KAZN: variants seen among roughly 807,000 people sequenced by gnomAD.
KAZN encodes kazrin, periplakin interacting protein.
Under a neutral mutation model 87.4 loss-of-function variants are expected in KAZN, and 40 were observed. That is an observed-to-expected ratio of 0.46 (90% CI 0.36 to 0.60). The LOEUF is 0.60. KAZN is among the 20% of genes least tolerant of loss of function. The pLI, the probability that KAZN is intolerant of heterozygous loss-of-function variation, is 0.00. For synonymous variants in KAZN, 466 were observed against 458.3 expected (o/e 1.02, Z -0.22); for missense variants, 898 against 1,073.9 (o/e 0.84, Z 2.29).
chr1:14,392,180 A>C (rs1662498096), intron 2 of KAZN, among the ~76,000 whole-genome samples: 1 of 152,230 alleles, frequency 6.6e-6, no homozygotes, highest in Non-Finnish European at 1.5e-5. Flanking sequence ...CAATGGCTTC[A>C]AAGAGAGGCT....
intron 1 of KAZN, among the ~76,000 whole-genome samples, chr1:14,791,700 T>C (rs1477028213): frequency 6.6e-6 from 1 of 152,158 alleles, no homozygotes; most frequent in African/African-American, 2.4e-5. Flanking sequence ...CTGGAGATGA[T>C]GATGGAGCTG....
chr1:14,603,410 G>A (rs1429559483), intron 1 of KAZN, among the ~76,000 whole-genome samples: 1 of 131,968 alleles, frequency 7.6e-6, no homozygotes, highest in Non-Finnish European at 1.6e-5. Flanking sequence ...TCATGGGATG[G>A]GGATTCAGTC....
chr1:14,464,548 T>C (rs1040207333), intron 2 of KAZN, among the ~76,000 whole-genome samples: 1 of 131,220 alleles, frequency 7.6e-6, no homozygotes, highest in African/African-American at 3.8e-5. Flanking sequence ...TTTTTCTTTC[T>C]TTTTTTTTGA....
chr1:15,013,715 T>C (rs1378828228), intron 2 of KAZN, among the ~76,000 whole-genome samples: 4 of 151,126 alleles, frequency 2.6e-5, no homozygotes, highest in Admixed American at 6.6e-5. Context: ...GATCGCACCA[T>C]TGCACTCCAA....
intron 2 of KAZN, among the ~76,000 whole-genome samples, chr1:14,257,075 G>T (rs1054614805): frequency 6.6e-6 from 1 of 152,022 alleles, no homozygotes; most frequent in Non-Finnish European, 1.5e-5. Context: ...TTATCTCTTA[G>T]GTCCCTTCTG....
intron 2 of KAZN, among the ~76,000 whole-genome samples, chr1:14,993,646 G>C (rs34257238): frequency 0.14 from 21,966 of 152,194 alleles, 1,739 homozygotes; most frequent in Middle Eastern, 0.17. Context: ...TCGTCTGGGA[G>C]GGGGGTGATC....
At chr1:13,981,094 T>TATATATATATATATATATATGC (rs1186707459) in intron 1 of KAZN, among the ~76,000 whole-genome samples, 2 of 65,138 alleles carry the variant, frequency 3.1e-5, no homozygotes, top group African/African-American at 9.8e-5. Context: ...ACTCTTTATA[T>TATATATATATATATATATATGC]ATATATATAT....
chr1:15,055,915 C>T (rs1009076717), intron 4 of KAZN, among the ~76,000 whole-genome samples, 176 bp from the exon 5 acceptor site: 6 of 152,232 alleles, frequency 3.9e-5, no homozygotes, highest in African/African-American at 1.4e-4. Context: ...ACAGTTCCTC[C>T]CTCACACGGC....
exon 2 of KAZN, chr1:14,180,479 A>G (rs566651325): frequency 3.8e-5 from 59 of 1,550,222 alleles, no homozygotes; most frequent in Non-Finnish European, 4.8e-5. Context: ...TTCCCATTTT[A>G]TTGTCACCAA....
chr1:14,707,828 G>A (rs143138778), intron 1 of KAZN, among the ~76,000 whole-genome samples: 8 of 152,158 alleles, frequency 5.3e-5, no homozygotes, highest in East Asian at 3.9e-4. Flanking sequence ...TTCATTTCTC[G>A]GCACTCTTCT....
intron 2 of KAZN, among the ~76,000 whole-genome samples, chr1:14,256,277 G>A (rs78494195): frequency 0.013 from 1,925 of 152,184 alleles, 45 homozygotes; most frequent in African/African-American, 0.043. Context: ...TCAAAGATGA[G>A]CCAAGTGTCT....
chr1:14,777,695 C>T (rs912685690), intron 1 of KAZN, among the ~76,000 whole-genome samples: 5 of 152,162 alleles, frequency 3.3e-5, no homozygotes, highest in South Asian at 2.1e-4. Flanking sequence ...CATTGTCACT[C>T]GGGTCTGAAT....
intron 1 of KAZN, among the ~76,000 whole-genome samples, chr1:14,035,397 A>T (rs1641510103): frequency 6.6e-6 from 1 of 152,010 alleles, no homozygotes; most frequent in Non-Finnish European, 1.5e-5. Context: ...ATAGCTAAAG[A>T]TGAATCACCT....
chr1:14,177,429 CCTTT>C (rs1356671936), intron 1 of KAZN, among the ~76,000 whole-genome samples: 1 of 152,130 alleles, frequency 6.6e-6, no homozygotes, highest in Non-Finnish European at 1.5e-5. Flanking sequence ...ACTTCTTTAA[CCTTT>C]CTTTTAGTGC....
At chr1:14,180,589 T>C in exon 2 of KAZN, 1 of 1,548,508 alleles carries the variant, frequency 6.5e-7, no homozygotes, top group Non-Finnish European at 8.7e-7. Flanking sequence ...TAATGGATGC[T>C]CAGGTACAAA....
rs147851304 is a variant in KAZN, at chr1:14,672,511, G to A, written c.226+73288G>A. ...GCCGAGGATCATTGAAAGCTCAGTC[G>A]TTTTAGATCCCGCCCAAAGAATCAG... On this transcript the variant is annotated intron_variant, in intron 1 of 14. Coordinates refer to ENST00000376030, the MANE Select transcript of KAZN (RefSeq NM_201628.3). 5.6e-3 allele frequency among the ~76,000 whole-genome samples: 856 copies of A among 152,284 alleles called. 23 individuals are homozygous for A. Among genetic ancestry groups the A allele is most frequent in the Admixed American group, 0.046 (707 of 15,298 alleles).
intron 3 of KAZN, among the ~76,000 whole-genome samples, chr1:15,036,508 C>T (rs1009484272): frequency 3.3e-5 from 5 of 151,950 alleles, no homozygotes; most frequent in Non-Finnish European, 5.9e-5. Flanking sequence ...AGGAAGGGGA[C>T]GACCCAGAAG....
chr1:14,176,026 T>C lies in KAZN; in HGVS notation c.92-4409T>C, dbSNP rs78559037. On this transcript the variant is annotated intron_variant, in intron 1 of 16. Coordinates refer to the KAZN transcript ENST00000636203. The stretch of plus-strand genomic sequence containing the variant: ...CACAGAAGTTTAAAATGTATAGTCA[T>C]AATGCTAAAAAGTCAGGTGGTATTG... 7.4e-3 allele frequency among the ~76,000 whole-genome samples: 1,131 copies of C among 152,330 alleles called. 18 individuals carry two copies. The highest frequency in any genetic ancestry group is 0.025 in the African/African-American group (1,053 of 41,574).
At chr1:14,896,128 C>A (rs2101207630) in intron 1 of KAZN, among the ~76,000 whole-genome samples, 1 of 149,658 alleles carries the variant, frequency 6.7e-6, no homozygotes, top group Middle Eastern at 3.5e-3. Context: ...AATCTCTGCT[C>A]ACTGCAACCT....
Sources: allele counts gnomAD v4.1 joint callset (sites outside exome capture counted in the v4.1 genomes callset), GRCh38; gene constraint gnomAD v4.1.1; transcripts MANE v1.5; gene names NCBI Gene and HGNC (gene_info 2026-07-23, HGNC 2026-07-21).